Variants in NALF1 observed in about 807,000 individuals in gnomAD.
The protein encoded by NALF1 is family with sequence similarity 155 member A.
Under a neutral mutation model 48.4 loss-of-function variants are expected in NALF1, and 3 were observed. The ratio of observed to expected loss-of-function variants is 0.06; its 90% CI spans 0.03 to 0.16. The LOEUF is 0.16. Among genes scored for constraint, NALF1 ranks in the 10% least tolerant of loss-of-function variants. NALF1 has a pLI of 1.00. For synonymous variants in NALF1, 262 were observed against 245.7 expected (o/e 1.07, Z -0.62); for missense variants, 526 against 571.5 (o/e 0.92, Z 0.81).
intron 1 of NALF1, among the ~76,000 whole-genome samples, chr13:107,753,316 G>C (rs79979454): frequency 0.084 from 12,766 of 152,086 alleles, 645 homozygotes; most frequent in East Asian, 0.16. Context: ...CATTAATTGT[G>C]CAATAAGGCT....
In NALF1 at chr13:107,438,827, C is replaced by CAAAAAAAAAAAAAAAAAAAAAAAA. The variant is rs61686895; in HGVS notation, c.916-228096_916-228073dup. ...TGGATGACAGAGTGAGACTCCATCTCAAAAAAAAAAAAAAAAAAAAAAAAG... is the reference window on the plus strand; with the variant it reads ...TGGATGACAGAGTGAGACTCCATCTCAAAAAAAAAAAAAAAAAAAAAAAAAAAAAAAAAAAAAAAAAAAAAAAAG... On this transcript the variant is annotated intron_variant, in intron 1 of 2. Coordinates refer to ENST00000375915, the MANE Select transcript of NALF1 (RefSeq NM_001080396.3). Among the ~76,000 whole-genome samples, 15 of 17,954 alleles carry CAAAAAAAAAAAAAAAAAAAAAAAA rather than the reference C, an allele frequency of 8.4e-4. 3 individuals carry two copies. Among genetic ancestry groups the CAAAAAAAAAAAAAAAAAAAAAAAA allele is most frequent in the Admixed American group, 2.1e-3 (2 of 958 alleles). 11.8% of individuals were successfully genotyped at this position (17,954 alleles called of 152,430 possible).
intron 1 of NALF1, among the ~76,000 whole-genome samples, chr13:107,786,864 C>T (rs181319295): frequency 6.6e-6 from 1 of 152,168 alleles, no homozygotes; most frequent in African/African-American, 2.4e-5. Flanking sequence ...TGAAATCTAA[C>T]TCACTGATGC....
intron 1 of NALF1, among the ~76,000 whole-genome samples, chr13:107,567,434 A>C (rs940697390): frequency 6.6e-6 from 1 of 152,258 alleles, no homozygotes; most frequent in Non-Finnish European, 1.5e-5. Flanking sequence ...TATTGGCCTG[A>C]TTGTCTACTT....
chr13:107,189,434 C>T (rs1282420403), intron 2 of NALF1, among the ~76,000 whole-genome samples: 2 of 152,192 alleles, frequency 1.3e-5, no homozygotes, highest in East Asian at 3.9e-4. Flanking sequence ...TTTCCTCCCC[C>T]TCTAATGAAC....
intron 1 of NALF1, among the ~76,000 whole-genome samples, chr13:107,369,287 C>A (rs1036354627): frequency 2.6e-5 from 4 of 151,946 alleles, no homozygotes; most frequent in African/African-American, 9.7e-5. Context: ...AGTATGTGCA[C>A]TATAAAAAAA....
chr13:107,420,977 G>T (rs956240045), intron 1 of NALF1, among the ~76,000 whole-genome samples: 1 of 152,080 alleles, frequency 6.6e-6, no homozygotes, highest in African/African-American at 2.4e-5. Context: ...TATTTGAGGG[G>T]CTGTCTTATC....
At chr13:107,686,114 G>T (rs1024359524) in intron 1 of NALF1, among the ~76,000 whole-genome samples, 6 of 152,198 alleles carry the variant, frequency 3.9e-5, no homozygotes, top group Admixed American at 6.5e-5. Flanking sequence ...AATGCTAAGG[G>T]TTGAATGAGG....
intron 1 of NALF1, among the ~76,000 whole-genome samples, chr13:107,403,118 A>C (rs78019863): frequency 0.019 from 2,807 of 146,170 alleles, 34 homozygotes; most frequent in Non-Finnish European, 0.032. Context: ...TTTTTGGCTC[A>C]CAAAGGACTA....
At chr13:107,789,586 C>T (rs1437249631) in intron 1 of NALF1, among the ~76,000 whole-genome samples, 2 of 152,172 alleles carry the variant, frequency 1.3e-5, no homozygotes, top group Non-Finnish European at 2.9e-5. Flanking sequence ...GCAATGGCTA[C>T]ACCCCAAACA....
At chr13:107,404,843 T>A (rs547701483) in intron 1 of NALF1, among the ~76,000 whole-genome samples, 2,337 of 152,188 alleles carry the variant, frequency 0.015, 27 homozygotes, top group South Asian at 0.034. Context: ...GAGTATAATT[T>A]AGTAGACTGC....
chr13:107,410,979 C>A (rs985587134), intron 1 of NALF1, among the ~76,000 whole-genome samples: 12 of 152,102 alleles, frequency 7.9e-5, no homozygotes, highest in African/African-American at 2.2e-4. Flanking sequence ...GGAGATGGCA[C>A]AATAAATTCA....
At chr13:107,848,646 C>T (rs1175553312) in intron 1 of NALF1, among the ~76,000 whole-genome samples, 3 of 152,182 alleles carry the variant, frequency 2.0e-5, no homozygotes, top group Non-Finnish European at 4.4e-5. Flanking sequence ...ATTCCCTAAG[C>T]ATCCTCTGTG....
chr13:107,197,233 C>A (rs1311325053), intron 2 of NALF1, among the ~76,000 whole-genome samples: 1 of 152,156 alleles, frequency 6.6e-6, no homozygotes, highest in Non-Finnish European at 1.5e-5. Flanking sequence ...AATATCTTTT[C>A]TTTATACATT....
intron 1 of NALF1, among the ~76,000 whole-genome samples, chr13:107,507,364 G>C (rs1441337172): frequency 6.6e-6 from 1 of 151,842 alleles, no homozygotes. Flanking sequence ...TTAGAATAGA[G>C]GACATCTGTT....
intron 1 of NALF1, among the ~76,000 whole-genome samples, chr13:107,615,400 C>T (rs1238876822): frequency 6.6e-6 from 1 of 152,140 alleles, no homozygotes; most frequent in Non-Finnish European, 1.5e-5. Flanking sequence ...ATTATTTTCC[C>T]CATGACTATC....
At chr13:107,235,354 T>G (rs547124088) in intron 1 of NALF1, among the ~76,000 whole-genome samples, 1 of 152,274 alleles carries the variant, frequency 6.6e-6, no homozygotes, top group East Asian at 1.9e-4. Flanking sequence ...ACTTTTCTTT[T>G]TTTTTAAAAA....
At position 107,701,069 on chromosome 13, in the gene NALF1, G is replaced by T. The variant is rs1009624603; in HGVS notation, c.915+164613C>A. Among the ~76,000 whole-genome samples the T allele has an allele frequency of 1.7e-4, 26 of 152,246 alleles. No homozygotes were observed. In the East Asian group the frequency reaches 3.5e-3, roughly 20 times the overall value. ...GTTGATACAGCCATTGTGAAAAGCA[G>T]TATAGAGCTTCCTAAATAAAAGAAA... On this transcript the variant is annotated intron_variant, in intron 1 of 2. Transcript: ENST00000375915.
At chr13:107,221,423 T>C (rs117279556) in intron 1 of NALF1, among the ~76,000 whole-genome samples, 4,941 of 151,918 alleles carry the variant, frequency 0.033, 122 homozygotes, top group East Asian at 0.085. Context: ...ACTAAAAAAT[T>C]ACAAAAATTA....
intron 1 of NALF1, among the ~76,000 whole-genome samples, chr13:107,518,133 A>G (rs1022142666): frequency 6.6e-6 from 1 of 152,196 alleles, no homozygotes; most frequent in Admixed American, 6.5e-5. Context: ...ATATGGGAGG[A>G]TGGTAGTTTA....
Sources: allele counts gnomAD v4.1 joint callset (sites outside exome capture counted in the v4.1 genomes callset), GRCh38; gene constraint gnomAD v4.1.1; transcripts MANE v1.5; gene names NCBI Gene and HGNC (gene_info 2026-07-23, HGNC 2026-07-21).